The following DAPK1 variants were observed in gnomAD, a reference collection of about 807,000 sequenced individuals.
The protein encoded by DAPK1 is death-associated protein kinase 1.
A neutral mutation model predicts 144.9 loss-of-function variants in DAPK1; 56 were observed. The ratio of observed to expected loss-of-function variants is 0.39; its 90% CI spans 0.31 to 0.48. The LOEUF is 0.48. Among genes scored for constraint, DAPK1 ranks in the 20% least tolerant of loss-of-function variants. The pLI, the probability that DAPK1 is intolerant of heterozygous loss-of-function variation, is 0.95. For synonymous variants in DAPK1, 690 were observed against 749.0 expected (o/e 0.92, Z 1.29); for missense variants, 1,454 against 1,875.4 (o/e 0.78, Z 4.15).
intron 2 of DAPK1, among the ~76,000 whole-genome samples, chr9:87,594,619 T>G (rs757489262): frequency 6.6e-6 from 1 of 152,198 alleles, no homozygotes; most frequent in Non-Finnish European, 1.5e-5. Flanking sequence ...ACCACCATGC[T>G]CTTCCTTGGA....
chr9:87,543,006 A>G (rs898029991), intron 2 of DAPK1, among the ~76,000 whole-genome samples: 2 of 152,224 alleles, frequency 1.3e-5, no homozygotes, highest in Non-Finnish European at 2.9e-5. Flanking sequence ...TTAGAAAACA[A>G]ATTTTTATTG....
At chr9:87,569,784 A>C (rs1217684130) in intron 2 of DAPK1, among the ~76,000 whole-genome samples, 1 of 152,206 alleles carries the variant, frequency 6.6e-6, no homozygotes, top group East Asian at 1.9e-4. Context: ...AGGGTGGTTT[A>C]TAGAAGTGGT....
intron 3 of DAPK1, among the ~76,000 whole-genome samples, chr9:87,636,960 G>A (rs1335022085): frequency 6.6e-6 from 1 of 152,096 alleles, no homozygotes; most frequent in Non-Finnish European, 1.5e-5. Context: ...GCGGGGAGTG[G>A]GGCATACAGC....
chr9:87,697,316 C>T, intron 22 of DAPK1, 112 bp downstream of exon 22: 1 of 676,778 alleles, frequency 1.5e-6, no homozygotes. Context: ...GGCCTTGCAC[C>T]AGGCCATGAG....
chr9:87,624,038 G>A (rs1028773117), intron 3 of DAPK1, among the ~76,000 whole-genome samples: 4 of 152,190 alleles, frequency 2.6e-5, no homozygotes, highest in African/African-American at 9.7e-5. Context: ...AGATTCTATT[G>A]CTACAAAAGA....
At position 87,686,491 on chromosome 9, in the gene DAPK1, G is replaced by T; in HGVS notation, c.2225-60G>T. The T allele has an allele frequency of 2.1e-6, 2 of 959,010 alleles. No individual in the cohort carries two copies. Among genetic ancestry groups the T allele is most frequent in the Non-Finnish European group, 3.2e-6 (2 of 615,808 alleles). The allele number at this position is 959,010 out of a possible 1,614,324, so 59.4% of individuals were successfully genotyped here. ...AAAGGAAACCTCAGGGCCAGCCTGGGAGGGAGACAGGCACACGCTGCCCCC... is the reference window on the plus strand; with the variant it reads ...AAAGGAAACCTCAGGGCCAGCCTGGTAGGGAGACAGGCACACGCTGCCCCC... On this transcript the variant is annotated intron_variant, in intron 20 of 25. Transcript: ENST00000408954. This position sits in a 1 kb window ranked among gnomAD's most constrained non-coding sequence, Gnocchi z 4.2.
intron 2 of DAPK1, among the ~76,000 whole-genome samples, chr9:87,543,868 T>G (rs1399637501): frequency 1.3e-5 from 2 of 152,204 alleles, no homozygotes; most frequent in African/African-American, 4.8e-5. Context: ...AGTATTATGC[T>G]ATAGTTTTAA....
intron 17 of DAPK1, among the ~76,000 whole-genome samples, chr9:87,651,947 G>A (rs7869737): frequency 0.12 from 8,770 of 71,714 alleles, 214 homozygotes; most frequent in East Asian, 0.27. Flanking sequence ...ACCTGATCCC[G>A]GGTCCTGATT....
intron 2 of DAPK1, among the ~76,000 whole-genome samples, chr9:87,565,368 A>G (rs1827083271): frequency 6.6e-6 from 1 of 152,202 alleles, no homozygotes; most frequent in Non-Finnish European, 1.5e-5. Context: ...GCAGAATCTG[A>G]CTTGAGGATG....
At chr9:87,703,582 G>A (rs1156566110) in intron 25 of DAPK1, among the ~76,000 whole-genome samples, 2 of 152,092 alleles carry the variant, frequency 1.3e-5, no homozygotes, top group East Asian at 1.9e-4. Flanking sequence ...TTGTATCAGC[G>A]TGGAGTCATC....
rs368323548 is a variant in DAPK1, at chr9:87,548,095, C to T, written c.62+48956C>T. 3.3e-3 allele frequency among the ~76,000 whole-genome samples: 504 copies of T among 152,316 alleles called. 4 individuals are homozygous for T. The highest frequency in any genetic ancestry group is 0.012 in the African/African-American group (483 of 41,562). On this transcript the variant is annotated intron_variant, in intron 2 of 25. Transcript: ENST00000408954. Reference sequence around the variant, plus strand: ...TGTCAGATGAACACTGTTATGCTAACTTCTCTAGGCAGCAATAATGCAGCA... The same window carrying T: ...TGTCAGATGAACACTGTTATGCTAATTTCTCTAGGCAGCAATAATGCAGCA...
chr9:87,662,296 C>T (rs957469472), intron 18 of DAPK1, among the ~76,000 whole-genome samples: 1 of 152,078 alleles, frequency 6.6e-6, no homozygotes, highest in Middle Eastern at 3.4e-3. Context: ...ATTGCTTTGG[C>T]TATTTAGGAC....
chr9:87,601,509 CT>C (rs201923755), intron 2 of DAPK1, among the ~76,000 whole-genome samples: 19,736 of 144,972 alleles, frequency 0.14, 1,865 homozygotes, highest in African/African-American at 0.27. Context: ...CTGTCATGGG[CT>C]TTTTTTTTTT....
chr9:87,513,910 G>C (rs1215144802), intron 2 of DAPK1, among the ~76,000 whole-genome samples: 1 of 152,200 alleles, frequency 6.6e-6, no homozygotes, highest in East Asian at 1.9e-4. Context: ...TGTTGTGGGG[G>C]CTGTCTTGTG....
intron 3 of DAPK1, among the ~76,000 whole-genome samples, chr9:87,608,221 T>C (rs4129632): frequency 0.53 from 80,785 of 152,138 alleles, 23,744 homozygotes; most frequent in African/African-American, 0.78. Context: ...ACTGTTTTGT[T>C]GTTTTGAAAA....
At chr9:87,582,794 C>G (rs1406520380) in intron 2 of DAPK1, among the ~76,000 whole-genome samples, 4 of 151,936 alleles carry the variant, frequency 2.6e-5, no homozygotes, top group Non-Finnish European at 5.9e-5. Flanking sequence ...ACCTCGTGAT[C>G]CCCCCACCTC....
intron 2 of DAPK1, among the ~76,000 whole-genome samples, chr9:87,524,171 T>C (rs960599515): frequency 7.9e-5 from 12 of 152,330 alleles, no homozygotes; most frequent in Middle Eastern, 3.4e-3. Context: ...CCACTGATGC[T>C]CTGGGCCTCT....
rs370262598 is a variant in DAPK1, at chr9:87,658,127, G to A, written c.1923G>A (p.Thr641=). ...GAGCCAGCGTTGAGGCGCTGACCACGGTGAGTGCCCACAGGGCTTCGTGAA... is the reference window on the plus strand; with the variant it reads ...GAGCCAGCGTTGAGGCGCTGACCACAGTGAGTGCCCACAGGGCTTCGTGAA... ...LMGASVEALT[T]DGKTAEDLAR... is the part of the protein sequence containing the mutation. The change falls in exon 18 of 26, where the codon ACG becomes ACA. Residue 641 remains threonine, a splice_region_variant and synonymous_variant. Transcript: ENST00000408954. 1.3e-5 allele frequency: 16 copies of A among 1,274,676 alleles called. No homozygotes were observed. Among genetic ancestry groups the A allele is most frequent in the Middle Eastern group, 1.8e-4 (1 of 5,446 alleles). The allele number at this position is 1,274,676 out of a possible 1,614,324, so 79.0% of individuals were successfully genotyped here.
intron 8 of DAPK1, 98 bp from the exon 9 acceptor site, chr9:87,640,704 C>A: frequency 2.3e-6 from 3 of 1,323,268 alleles, no homozygotes; most frequent in South Asian, 1.2e-5. Flanking sequence ...ACTGCATTTT[C>A]CACAGTATCT....
Sources: gnomAD v4.1 joint callset for allele counts (sites outside exome capture counted in the v4.1 genomes callset) on GRCh38, gnomAD v4.1.1 for gene constraint, Gnocchi (gnomAD v3.1) non-coding constraint, MANE v1.5 for transcripts, NCBI Gene and HGNC (gene_info 2026-07-23, HGNC 2026-07-21) for gene names.